The following MKRN3 variants were observed in gnomAD, a reference collection of about 807,000 sequenced individuals.
MKRN3 encodes the protein E3 ubiquitin-protein ligase makorin-3.
For synonymous variants in MKRN3, 301 were observed against 250.2 expected, an observed-to-expected ratio of 1.20 and a Z score of -1.91; for missense variants, 749 against 667.0, an observed-to-expected ratio of 1.12 and a Z score of -1.35.
rs778533814 is a variant in MKRN3, at chr15:23,566,242, C to G, written c.460C>G (p.Gln154Glu). ...STAAHIEPPT[Q>E]EVAEAPPAAS... The stretch of plus-strand genomic sequence containing the variant: ...GGCTGCGCACATCGAGCCCCCGACT[C>G]AGGAAGTGGCGGAAGCCCCCCCGGC... Residue 154 changes from glutamine (Q) to glutamate (E), a missense_variant, in exon 1 of 1, where the codon CAG (glutamine) becomes GAG (glutamate). Gln to Glu is a conservative substitution (Grantham distance 29, BLOSUM62 2). Coordinates refer to ENST00000314520, the MANE Select transcript of MKRN3 (RefSeq NM_005664.4). 4 of 1,613,790 alleles carry G rather than the reference C, an allele frequency of 2.5e-6. No individual in the cohort carries two copies. The South Asian group carries it at 3.3e-5, about 13-fold the overall frequency.
In MKRN3 at chr15:23,567,924, A is replaced by G. The variant is rs1157513143; in HGVS notation, c.*618A>G. On this transcript the variant is annotated 3_prime_UTR_variant, in exon 1 of 1. Transcript: ENST00000314520. ...AAGAATTATATATATAAAAATATAT[A>G]TGTATAAGAGTTATGTATTTGAAAA... 1 of 749,380 alleles carries G rather than the reference A, an allele frequency of 1.3e-6. No homozygotes were observed. The highest frequency in any genetic ancestry group is 6.4e-5 in the Admixed American group (1 of 15,708). 46.4% of individuals were successfully genotyped at this position (749,380 alleles called of 1,614,324 possible). A position where few individuals can be genotyped will look rare whatever the true frequency, so the allele number is the denominator to read the frequency against.
In MKRN3 at chr15:23,566,487, G is replaced by A; in HGVS notation, c.705G>A (p.Met235Ile). The change falls in exon 1 of 1, where the codon ATG becomes ATA. Residue 235 changes from methionine to isoleucine, a missense_variant. Met to Ile is a conservative substitution (Grantham distance 10, BLOSUM62 1). Coordinates refer to ENST00000314520, the MANE Select transcript of MKRN3 (RefSeq NM_005664.4). The part of the protein sequence containing the change: ...LQSSETERKQ[M>I]AVGSGLRFCY... ...GCTCAGAGACTGAGAGGAAGCAGAT[G>A]GCTGTGGGCAGTGGGTTGCGGTTTT... The A allele has an allele frequency of 6.2e-7, 1 of 1,614,164 alleles. No individual in the cohort carries two copies. Among genetic ancestry groups the A allele is most frequent in the African/African-American group, 1.3e-5 (1 of 75,058 alleles).
In MKRN3 at chr15:23,567,354, C is replaced by G; in HGVS notation, c.*48C>G. 6.3e-7 allele frequency: 1 copy of G among 1,588,310 alleles called. No individual in the cohort carries two copies. Among genetic ancestry groups the G allele is most frequent in the South Asian group, 1.2e-5 (1 of 86,216 alleles). ...TAGTCTGCTGAGGTTCTGTCGTCTG[C>G]TATTGCCTGTTTTCCCTGTGTTGAC... On this transcript the variant is annotated 3_prime_UTR_variant, in exon 1 of 1. Transcript: ENST00000314520.
Position 23,566,235 on chromosome 15 carries a change from C to T in MKRN3, c.453C>T (p.Pro151=). 1 of 1,613,708 alleles carries T rather than the reference C, an allele frequency of 6.2e-7. No homozygotes were observed. The highest frequency in any genetic ancestry group is 8.5e-7 in the Non-Finnish European group (1 of 1,180,034). The change falls in exon 1 of 1, where the codon CCC becomes CCT. Residue 151 remains proline (P), a synonymous_variant. Transcript: ENST00000314520. ...CTAGCACGGCTGCGCACATCGAGCCCCCGACTCAGGAAGTGGCGGAAGCCC... is the reference window on the plus strand; with the variant it reads ...CTAGCACGGCTGCGCACATCGAGCCTCCGACTCAGGAAGTGGCGGAAGCCC... The part of the protein sequence containing the change: ...GGPSTAAHIE[P]PTQEVAEAPP...
chr15:23,567,990 T>C lies in MKRN3; in HGVS notation c.*684T>C, dbSNP rs999375246. ...TATACATCACAATATAATATTTATG[T>C]TTATGTAATAAAGTAAATACAGAGC... On this transcript the variant is annotated 3_prime_UTR_variant, in exon 1 of 1. Transcript: ENST00000314520. 3 of 721,622 alleles carry C rather than the reference T, an allele frequency of 4.2e-6. No homozygotes were observed. Among genetic ancestry groups the C allele is most frequent in the African/African-American group, 3.9e-5 (2 of 51,856 alleles). 44.7% of individuals were successfully genotyped at this position (721,622 alleles called of 1,614,324 possible). A position where few individuals can be genotyped will look rare whatever the true frequency, so the allele number is the denominator to read the frequency against.
In MKRN3 at chr15:23,566,446, G is replaced by C. The variant is rs766172042; in HGVS notation, c.664G>C (p.Glu222Gln). ...YRGRWVASAPEAPLQSSETER... is the reference protein window; with the variant it reads ...YRGRWVASAPQAPLQSSETER... The stretch of plus-strand genomic sequence containing the variant: ...GGGCCGCTGGGTTGCATCTGCCCCC[G>C]AGGCTCCTCTACAGAGCTCAGAGAC... Residue 222 changes from glutamate (E) to glutamine (Q), a missense_variant, in exon 1 of 1, where the codon GAG becomes CAG. Glu to Gln is a conservative substitution (Grantham distance 29). Coordinates refer to ENST00000314520, the MANE Select transcript of MKRN3 (RefSeq NM_005664.4). The C allele has an allele frequency of 6.2e-7, 1 of 1,614,108 alleles. No homozygotes were observed. Among genetic ancestry groups the C allele is most frequent in the South Asian group, 1.1e-5 (1 of 91,068 alleles).
In MKRN3 at chr15:23,567,842, A is replaced by G. The variant is rs940240795; in HGVS notation, c.*536A>G. On this transcript the variant is annotated 3_prime_UTR_variant, in exon 1 of 1. Transcript: ENST00000314520. The stretch of plus-strand genomic sequence containing the variant: ...ACCAAAACCAAGTGTATATGTTTAC[A>G]TGTTTTTATCCTGTTTAGCTTGACA... 4 of 989,980 alleles carry G rather than the reference A, an allele frequency of 4.0e-6. No homozygotes were observed. The highest frequency in any genetic ancestry group is 6.2e-5 in the Admixed American group (1 of 16,222). The allele number at this position is 989,980 out of a possible 1,614,324, so 61.3% of individuals were successfully genotyped here.
At position 23,567,321 on chromosome 15, in the gene MKRN3, ATGTGGTCTAGTCTGCTGAGGTTC is replaced by A; in HGVS notation, c.*19_*41del. 1 of 1,612,090 alleles carries A rather than the reference ATGTGGTCTAGTCTGCTGAGGTTC, an allele frequency of 6.2e-7. No homozygotes were observed. The highest frequency in any genetic ancestry group is 1.1e-5 in the South Asian group (1 of 90,760). On this transcript the variant is annotated 3_prime_UTR_variant, in exon 1 of 1. Coordinates refer to ENST00000314520, the MANE Select transcript of MKRN3 (RefSeq NM_005664.4). ...TGATTCTGTAGCATCGTGCTGTGGC[ATGTGGTCTAGTCTGCTGAGGTTC>A]TGTCGTCTGCTATTGCCTGTTTTCC...
Position 23,566,850 on chromosome 15 carries a change from G to A in MKRN3, c.1068G>A (p.Arg356=). Residue 356 remains arginine, a synonymous_variant, in exon 1 of 1, where the codon AGG becomes AGA. Coordinates refer to ENST00000314520, the MANE Select transcript of MKRN3 (RefSeq NM_005664.4). The stretch of plus-strand genomic sequence containing the variant: ...GAAGTGCCAGACAGTTTGAGAACAG[G>A]ATCGTCAAGTCTTGCCCACAGTGCA... The part of the protein sequence containing the change: ...RWRSARQFEN[R]IVKSCPQCRV... 6.2e-7 allele frequency: 1 copy of A among 1,614,200 alleles called. No homozygotes were observed. The highest frequency in any genetic ancestry group is 8.5e-7 in the Non-Finnish European group (1 of 1,180,040).
Position 23,566,690 on chromosome 15 carries a change from T to G in MKRN3, c.908T>G (p.Val303Gly). The G allele has an allele frequency of 6.2e-7, 1 of 1,614,268 alleles. No homozygotes were observed. Among genetic ancestry groups the G allele is most frequent in the Non-Finnish European group, 8.5e-7 (1 of 1,180,050 alleles). The change falls in exon 1 of 1, where the codon GTG becomes GGG. Residue 303 changes from valine (V) to glycine (G), a missense_variant. Coordinates refer to ENST00000314520, the MANE Select transcript of MKRN3 (RefSeq NM_005664.4). ...HEKDMELSFAVQRGMDKVCGI... is the reference protein window; with the variant it reads ...HEKDMELSFAGQRGMDKVCGI... The stretch of plus-strand genomic sequence containing the variant: ...AAAGATATGGAACTCTCGTTTGCTG[T>G]GCAGCGTGGTATGGACAAGGTGTGT...
Position 23,566,519 on chromosome 15 carries a change from A to G in MKRN3, c.737A>G (p.Tyr246Cys). 1 of 1,614,134 alleles carries G rather than the reference A, an allele frequency of 6.2e-7. No homozygotes were observed. ...GGCAGTGGGTTGCGGTTTTGCTATT[A>G]TGCTTCCAGGGGAGTTTGCTTTCGT... ...AVGSGLRFCY[Y>C]ASRGVCFRGE... Residue 246 changes from tyrosine to cysteine, a missense_variant, in exon 1 of 1, where the codon TAT becomes TGT. Tyr to Cys is a radical substitution (Grantham distance 194, BLOSUM62 -2). Coordinates refer to ENST00000314520, the MANE Select transcript of MKRN3 (RefSeq NM_005664.4).
In MKRN3 at chr15:23,567,818, C is replaced by A; in HGVS notation, c.*512C>A. 1 of 998,702 alleles carries A rather than the reference C, an allele frequency of 1.0e-6. No individual in the cohort carries two copies. The highest frequency in any genetic ancestry group is 1.7e-5 in the African/African-American group (1 of 57,152). 61.9% of individuals were successfully genotyped at this position (998,702 alleles called of 1,614,324 possible). A position where few individuals can be genotyped will look rare whatever the true frequency, so the allele number is the denominator to read the frequency against. ...ACTTGTGATTTTGTGTTTTACTTGA[C>A]CAAAACCAAGTGTATATGTTTACAT... On this transcript the variant is annotated 3_prime_UTR_variant, in exon 1 of 1. Transcript: ENST00000314520.
rs777375289 is a variant in MKRN3 at position 23,567,189 on chromosome 15, G to A, written c.1407G>A (p.Arg469=). 1 of 1,614,204 alleles carries A rather than the reference G, an allele frequency of 6.2e-7. No individual in the cohort carries two copies. Among genetic ancestry groups the A allele is most frequent in the Non-Finnish European group, 8.5e-7 (1 of 1,180,050 alleles). The change falls in exon 1 of 1, where the codon CGG becomes CGA. Residue 469 remains arginine (R), a synonymous_variant. Coordinates refer to ENST00000314520, the MANE Select transcript of MKRN3 (RefSeq NM_005664.4). The part of the protein sequence containing the change: ...KSIKKELVVL[R]LASLLFKRFL... ...TTAAGAAGGAGCTTGTCGTGCTTCG[G>A]CTGGCCAGTCTGTTGTTTAAGCGGT...
chr15:23,566,235 C>G lies in MKRN3; in HGVS notation c.453C>G (p.Pro151=). The G allele has an allele frequency of 6.2e-7, 1 of 1,613,708 alleles. No individual in the cohort carries two copies. Among genetic ancestry groups the G allele is most frequent in the Non-Finnish European group, 8.5e-7 (1 of 1,180,034 alleles). ...GGPSTAAHIE[P]PTQEVAEAPP... is the part of the protein sequence containing the mutation. ...CTAGCACGGCTGCGCACATCGAGCC[C>G]CCGACTCAGGAAGTGGCGGAAGCCC... Residue 151 remains proline, a synonymous_variant, in exon 1 of 1, where the codon CCC becomes CCG. Transcript: ENST00000314520.
Position 23,566,956 on chromosome 15 carries a change from A to C in MKRN3, c.1174A>C (p.Lys392Gln). The C allele has an allele frequency of 6.2e-7, 1 of 1,614,188 alleles. No individual in the cohort carries two copies. The highest frequency in any genetic ancestry group is 8.5e-7 in the Non-Finnish European group (1 of 1,180,036). Residue 392 changes from lysine to glutamine, a missense_variant, in exon 1 of 1, where the codon AAG (lysine) becomes CAG (glutamine). Transcript: ENST00000314520. The stretch of plus-strand genomic sequence containing the variant: ...GAAGCAGAAACTTATTCAGCAATAC[A>C]AGGAGGCAATGAGCAACAAGGCCTG... ...EEKQKLIQQY[K>Q]EAMSNKACRY...
At position 23,565,694 on chromosome 15, in the gene MKRN3, T is replaced by C; in HGVS notation, c.-89T>C. On this transcript the variant is annotated 5_prime_UTR_variant, in exon 1 of 1. Coordinates refer to ENST00000314520, the MANE Select transcript of MKRN3 (RefSeq NM_005664.4). Reference sequence around the variant, plus strand: ...GATGCACACTTCCCCCAGAGAAGCCTCCGAGCGCGGCCGCCATTCCGGGCC... The same window carrying C: ...GATGCACACTTCCCCCAGAGAAGCCCCCGAGCGCGGCCGCCATTCCGGGCC... 1.5e-6 allele frequency: 2 copies of C among 1,344,178 alleles called. No homozygotes were observed. The highest frequency in any genetic ancestry group is 2.0e-6 in the Non-Finnish European group (2 of 1,010,800). 83.3% of individuals were successfully genotyped at this position (1,344,178 alleles called of 1,614,324 possible).
chr15:23,565,703 G>T lies in MKRN3; in HGVS notation c.-80G>T, dbSNP rs909177385. The T allele has an allele frequency of 4.3e-6, 6 of 1,389,614 alleles. No individual in the cohort carries two copies. The highest frequency in any genetic ancestry group is 3.0e-5 in the South Asian group (2 of 66,762). 86.1% of individuals were successfully genotyped at this position (1,389,614 alleles called of 1,614,324 possible). On this transcript the variant is annotated 5_prime_UTR_variant, in exon 1 of 1. Transcript: ENST00000314520. ...TTCCCCCAGAGAAGCCTCCGAGCGC[G>T]GCCGCCATTCCGGGCCTCAAGCCCA...
chr15:23,565,889 A>G lies in MKRN3; in HGVS notation c.107A>G (p.Glu36Gly), dbSNP rs1466187944. ...TCTGGGCCGGACCTTCCCGTCTGTG[A>G]GCCCTCCGGGGAATCTGCTGCTCCA... ...GVSGPDLPVC[E>G]PSGESAAPDS... is the part of the protein sequence containing the mutation. Residue 36 changes from glutamate (E) to glycine (G), a missense_variant, in exon 1 of 1, where the codon GAG becomes GGG. Glu to Gly is a moderately conservative substitution (Grantham distance 98, BLOSUM62 -2). Transcript: ENST00000314520. The G allele has an allele frequency of 3.1e-6, 5 of 1,613,830 alleles. No homozygotes were observed. Among genetic ancestry groups the G allele is most frequent in the Non-Finnish European group, 4.2e-6 (5 of 1,179,918 alleles).
In MKRN3 at chr15:23,567,447, C is replaced by G. The variant is rs1285008285; in HGVS notation, c.*141C>G. ...TTCTTGTCTATTCTGCATATCTTTCCCCCTAGGATTATGGTGATTATCTGT... is the reference window on the plus strand; with the variant it reads ...TTCTTGTCTATTCTGCATATCTTTCGCCCTAGGATTATGGTGATTATCTGT... On this transcript the variant is annotated 3_prime_UTR_variant, in exon 1 of 1. Coordinates refer to ENST00000314520, the MANE Select transcript of MKRN3 (RefSeq NM_005664.4). 3.1e-5 allele frequency: 45 copies of G among 1,473,446 alleles called. No homozygotes were observed. The highest frequency in any genetic ancestry group is 4.0e-5 in the Non-Finnish European group (44 of 1,110,896). 91.3% of individuals were successfully genotyped at this position (1,473,446 alleles called of 1,614,324 possible). A position where few individuals can be genotyped will look rare whatever the true frequency, so the allele number is the denominator to read the frequency against.
Sources: gnomAD v4.1 joint callset for allele counts on GRCh38, gnomAD v4.1.1 for gene constraint, MANE v1.5 for transcripts, NCBI Gene and HGNC (gene_info 2026-07-23, HGNC 2026-07-21) for gene names.